The following SLCO1B3 variants were observed in gnomAD, a reference collection of about 807,000 sequenced individuals.
SLCO1B3 encodes the protein liver-specific organic anion transporter 2.
A neutral mutation model predicts 71.8 loss-of-function variants in SLCO1B3; 72 were observed. That is an observed-to-expected ratio of 1.00 (90% CI 0.83 to 1.22). The LOEUF is 1.22. Ranked by LOEUF, SLCO1B3 falls within the 50% of genes most tolerant of loss-of-function variation. The pLI is 0.00. For synonymous variants in SLCO1B3, 298 were observed against 278.4 expected, an observed-to-expected ratio of 1.07 and a Z score of -0.70; for missense variants, 911 against 819.7, an observed-to-expected ratio of 1.11 and a Z score of -1.36.
chr12:20,811,905 A>ATTTTTTTT lies in SLCO1B3; in HGVS notation c.-181+1153_-181+1160dup, dbSNP rs11292391. On this transcript the variant is annotated intron_variant, in intron 1 of 15. Coordinates refer to ENST00000381545, the MANE Select transcript of SLCO1B3 (RefSeq NM_019844.4). ...TAGGTACTTTGTACTTACTTGATAC[A>ATTTTTTTT]TTTTTTTTTTTTTTTTTTTGAGAAG... Among the ~76,000 whole-genome samples the ATTTTTTTT allele has an allele frequency of 8.1e-3, 933 of 114,682 alleles. 23 individuals are homozygous for ATTTTTTTT. Among genetic ancestry groups the ATTTTTTTT allele is most frequent in the African/African-American group, 0.017 (524 of 31,438 alleles). The allele number at this position is 114,682 out of a possible 152,430, so 75.2% of individuals were successfully genotyped here. A position where few individuals can be genotyped will look rare whatever the true frequency, so the allele number is the denominator to read the frequency against.
At chr12:20,837,794 T>A (rs189757953) in intron 3 of SLCO1B3, among the ~76,000 whole-genome samples, 37 of 152,300 alleles carry the variant, frequency 2.4e-4, no homozygotes, top group African/African-American at 8.4e-4. Context: ...TGTTGTTGGA[T>A]GTAATACATG....
chr12:20,842,689 C>T (rs1250187580), intron 3 of SLCO1B3, among the ~76,000 whole-genome samples: 1 of 152,180 alleles, frequency 6.6e-6, no homozygotes, highest in Non-Finnish European at 1.5e-5. Context: ...CTTGTTTCTA[C>T]TATCTTAGAA....
intron 8 of SLCO1B3, among the ~76,000 whole-genome samples, chr12:20,865,613 T>C (rs1324092320): frequency 2.0e-5 from 3 of 152,084 alleles, no homozygotes; most frequent in Non-Finnish European, 4.4e-5. Context: ...GATAAATGTA[T>C]TGGAAACATT....
chr12:20,884,820 A>G (rs570933241), intron 13 of SLCO1B3, among the ~76,000 whole-genome samples: 10 of 151,968 alleles, frequency 6.6e-5, no homozygotes, highest in Non-Finnish European at 1.3e-4. Context: ...GTTAATATGA[A>G]TATAAACCTG....
chr12:20,879,205 C>CTTTTTTTTTT (rs4149166), intron 10 of SLCO1B3, among the ~76,000 whole-genome samples: 19 of 95,222 alleles, frequency 2.0e-4, no homozygotes, highest in South Asian at 4.2e-4. Context: ...ACCCTTCTCT[C>CTTTTTTTTTT]TTTTTTTTTT....
At chr12:20,834,722 A>G (rs531148638) in intron 3 of SLCO1B3, among the ~76,000 whole-genome samples, 108 of 151,854 alleles carry the variant, frequency 7.1e-4, no homozygotes, top group Non-Finnish European at 1.3e-3. Context: ...GCAGGGAACA[A>G]CCCTCCTCCC....
chr12:20,824,613 TCTA>T (rs1864384288), intron 3 of SLCO1B3, among the ~76,000 whole-genome samples: 1 of 152,160 alleles, frequency 6.6e-6, no homozygotes, highest in South Asian at 2.1e-4. Flanking sequence ...ACTGACAACA[TCTA>T]CTAAGACATA....
chr12:20,828,016 G>C (rs1864463341), intron 3 of SLCO1B3, among the ~76,000 whole-genome samples: 1 of 152,150 alleles, frequency 6.6e-6, no homozygotes. Flanking sequence ...TGGATACCAA[G>C]TCAAACATGA....
chr12:20,854,925 T>C, intron 3 of SLCO1B3, 103 bp from the exon 4 acceptor site: 2 of 1,066,192 alleles, frequency 1.9e-6, no homozygotes, highest in African/African-American at 1.6e-5. Flanking sequence ...TTTATGATAA[T>C]GTTTTCGAGT....
chr12:20,877,957 G>A (rs1865616757), intron 10 of SLCO1B3, 21 bp downstream of exon 10: 1 of 1,537,810 alleles, frequency 6.5e-7, no homozygotes, highest in Non-Finnish European at 8.8e-7. Flanking sequence ...TTTTTTACCT[G>A]TTTGCTTGAT....
At chr12:20,862,363 G>C in intron 6 of SLCO1B3, 49 bp from the exon 7 acceptor site, 1 of 1,525,256 alleles carries the variant, frequency 6.6e-7, no homozygotes, top group Non-Finnish European at 8.8e-7. Context: ...ATTTCTAATA[G>C]GAATGTTAAA....
intron 2 of SLCO1B3, among the ~76,000 whole-genome samples, chr12:20,815,362 A>C (rs922314080): frequency 2.0e-5 from 3 of 152,162 alleles, no homozygotes; most frequent in African/African-American, 7.2e-5. Context: ...AAAATATAAA[A>C]ATTTTAATTT....
intron 15 of SLCO1B3, among the ~76,000 whole-genome samples, chr12:20,903,005 G>A (rs1286356102): frequency 1.3e-5 from 2 of 151,480 alleles, no homozygotes; most frequent in African/African-American, 4.8e-5. Flanking sequence ...CCTGGGAGGT[G>A]GAGGTGGCAG....
rs560899865 is a variant in SLCO1B3, at chr12:20,831,140, C to T, written c.84+15318C>T. On this transcript the variant is annotated intron_variant, in intron 3 of 15. Coordinates refer to ENST00000381545, the MANE Select transcript of SLCO1B3 (RefSeq NM_019844.4). The stretch of plus-strand genomic sequence containing the variant: ...TTGGGAGGCCGAGGCTGGCAGATCA[C>T]GAGGTTAGGAGTTCGAGACCAGCCT... Among the ~76,000 whole-genome samples the T allele has an allele frequency of 5.9e-5, 9 of 152,096 alleles. No individual in the cohort carries two copies. In the South Asian group the frequency reaches 8.3e-4, roughly 14 times the overall value.
At chr12:20,858,697 A>T in intron 5 of SLCO1B3, 126 bp downstream of exon 5, 1 of 797,800 alleles carries the variant, frequency 1.3e-6, no homozygotes, top group Non-Finnish European at 2.0e-6. Context: ...ATGCATAGAG[A>T]AATGGAGTAT....
intron 10 of SLCO1B3, 58 bp from the exon 11 acceptor site, chr12:20,879,378 C>T (rs1865645389): frequency 8.2e-7 from 1 of 1,220,766 alleles, no homozygotes; most frequent in Non-Finnish European, 1.2e-6. Flanking sequence ...TATATAAAGA[C>T]ATATCAGAAA....
intron 9 of SLCO1B3, among the ~76,000 whole-genome samples, 169 bp downstream of exon 9, chr12:20,875,646 C>G (rs890279437): frequency 1.3e-5 from 2 of 151,966 alleles, no homozygotes; most frequent in Non-Finnish European, 2.9e-5. Flanking sequence ...ACAAATATGT[C>G]TTGAGTACAT....
chr12:20,911,717 G>T (rs1866380619), intron 15 of SLCO1B3, among the ~76,000 whole-genome samples: 1 of 152,046 alleles, frequency 6.6e-6, no homozygotes, highest in Non-Finnish European at 1.5e-5. Flanking sequence ...TAAAATTGGG[G>T]GCATGATGTT....
intron 10 of SLCO1B3, 43 bp from the exon 11 acceptor site, chr12:20,879,393 A>G (rs764031042): frequency 1.6e-5 from 22 of 1,362,576 alleles, no homozygotes; most frequent in Non-Finnish European, 2.3e-5. Flanking sequence ...CAGAAAAACC[A>G]TATTTGTATA....
Sources: allele counts gnomAD v4.1 joint callset (sites outside exome capture counted in the v4.1 genomes callset), GRCh38; gene constraint gnomAD v4.1.1; transcripts MANE v1.5; gene names NCBI Gene and HGNC (gene_info 2026-07-23, HGNC 2026-07-21).